Variants in STK39 observed in about 807,000 individuals in gnomAD.
STK39 encodes the protein serine/threonine kinase 39.
Under a neutral mutation model 77.8 loss-of-function variants are expected in STK39, and 20 were observed. The ratio of observed to expected loss-of-function variants is 0.26; its 90% CI spans 0.18 to 0.37. The LOEUF (loss-of-function observed/expected upper bound fraction) is 0.37. STK39 is among the 10% of genes least tolerant of loss of function. The pLI is 1.00. For missense variants in STK39, 479 were observed against 656.5 expected (o/e 0.73, Z 2.95); for synonymous variants, 246 against 234.1 (o/e 1.05, Z -0.47).
At chr2:168,119,656 T>C (rs1004721158) in intron 10 of STK39, among the ~76,000 whole-genome samples, 1 of 152,186 alleles carries the variant, frequency 6.6e-6, no homozygotes, top group African/African-American at 2.4e-5. Context: ...CCAAAACTTT[T>C]GCTCAGTTAG....
At chr2:168,199,833 T>C (rs1689569646) in intron 1 of STK39, among the ~76,000 whole-genome samples, 1 of 146,742 alleles carries the variant, frequency 6.8e-6, no homozygotes, top group Non-Finnish European at 1.5e-5. Context: ...ATTTATATCA[T>C]GCAGATTTTC....
At chr2:168,197,768 G>T (rs533988777) in intron 1 of STK39, among the ~76,000 whole-genome samples, 1 of 152,294 alleles carries the variant, frequency 6.6e-6, no homozygotes, top group South Asian at 2.1e-4. Context: ...GGGTGCAATG[G>T]CTCACGCCTA....
intron 10 of STK39, among the ~76,000 whole-genome samples, chr2:168,087,136 C>T (rs1198260919): frequency 4.6e-5 from 7 of 152,306 alleles, no homozygotes; most frequent in South Asian, 2.1e-4. Context: ...CAAAGGAAAA[C>T]GCAGAAACCA....
At chr2:168,221,282 CATTG>C (rs1473221823) in intron 1 of STK39, among the ~76,000 whole-genome samples, 1 of 152,130 alleles carries the variant, frequency 6.6e-6, no homozygotes, top group Non-Finnish European at 1.5e-5. Flanking sequence ...AAAGTTTAAA[CATTG>C]ATTGTCTCAG....
At chr2:168,026,411 T>C (rs1684699679) in intron 14 of STK39, among the ~76,000 whole-genome samples, 1 of 152,242 alleles carries the variant, frequency 6.6e-6, no homozygotes, top group South Asian at 2.1e-4. Context: ...TCCATTTCTC[T>C]GATTCTTTAG....
At chr2:168,044,110 T>G (rs1468882005) in intron 14 of STK39, among the ~76,000 whole-genome samples, 1 of 152,184 alleles carries the variant, frequency 6.6e-6, no homozygotes, top group Non-Finnish European at 1.5e-5. Flanking sequence ...TTTATATGGC[T>G]CCTTTTTTTC....
chr2:168,198,999 T>A (rs907730815), intron 1 of STK39, among the ~76,000 whole-genome samples: 1 of 152,218 alleles, frequency 6.6e-6, no homozygotes, highest in Non-Finnish European at 1.5e-5. Context: ...GCTTATGCAA[T>A]TGCTAGTTTC....
At chr2:168,225,770 A>C (rs1168381307) in intron 1 of STK39, among the ~76,000 whole-genome samples, 1 of 152,204 alleles carries the variant, frequency 6.6e-6, no homozygotes, top group East Asian at 1.9e-4. Flanking sequence ...CCAGTTACTT[A>C]CCTAAGAGCA....
intron 2 of STK39, among the ~76,000 whole-genome samples, chr2:168,178,638 CTCATT>C (rs1689009882): frequency 6.6e-6 from 1 of 152,160 alleles, no homozygotes; most frequent in African/African-American, 2.4e-5. Context: ...TATTACAGTA[CTCATT>C]TCAACAGTAT....
intron 2 of STK39, among the ~76,000 whole-genome samples, chr2:168,176,533 C>T (rs1411165970): frequency 6.6e-6 from 1 of 151,984 alleles, no homozygotes; most frequent in Admixed American, 6.6e-5. Flanking sequence ...AGGGAGGTGA[C>T]GGAGGGAGTG....
At chr2:168,051,981 A>C (rs1394609043) in intron 14 of STK39, among the ~76,000 whole-genome samples, 1 of 151,880 alleles carries the variant, frequency 6.6e-6, no homozygotes, top group Non-Finnish European at 1.5e-5. Flanking sequence ...GAAAAAAAAG[A>C]ATGAGGAAGA....
rs76973397 is a variant in STK39 at position 168,184,414 on chromosome 2, A to G, written c.209-2324T>C. Among the ~76,000 whole-genome samples, 512 of 152,336 alleles carry G rather than the reference A, an allele frequency of 3.4e-3. 7 individuals carry two copies. Among genetic ancestry groups the G allele is most frequent in the African/African-American group, 0.011 (465 of 41,580 alleles). On this transcript the variant is annotated intron_variant, in intron 1 of 17. Coordinates refer to ENST00000355999, the MANE Select transcript of STK39 (RefSeq NM_013233.3). ...TGTCACAACATGGATGGATTTAACC[A>G]TTCATTAAACAGTTTGGGAGATTCT...
intron 12 of STK39, among the ~76,000 whole-genome samples, chr2:168,066,050 C>T (rs1354338020): frequency 6.7e-6 from 1 of 150,234 alleles, no homozygotes; most frequent in Non-Finnish European, 1.5e-5. Flanking sequence ...CAAAAAAAAC[C>T]TCAAAGAGAA....
chr2:168,140,619 A>G (rs759069637), intron 6 of STK39, 30 bp downstream of exon 6: 2 of 1,551,060 alleles, frequency 1.3e-6, no homozygotes, highest in Admixed American at 3.7e-5. Flanking sequence ...TACTATGTCC[A>G]TCAAAAAGTC....
At chr2:168,151,511 C>T (rs953764330) in intron 5 of STK39, among the ~76,000 whole-genome samples, 1 of 152,034 alleles carries the variant, frequency 6.6e-6, no homozygotes, top group Non-Finnish European at 1.5e-5. Flanking sequence ...CCGAGGCAGT[C>T]AGATTGCAAG....
intron 1 of STK39, among the ~76,000 whole-genome samples, chr2:168,243,444 T>A (rs1294261907): frequency 1.3e-5 from 2 of 152,210 alleles, no homozygotes; most frequent in Non-Finnish European, 2.9e-5. Flanking sequence ...AGAACTCAAA[T>A]TCTTCGTGTT....
chr2:168,050,485 T>C (rs1685366119), intron 14 of STK39, among the ~76,000 whole-genome samples: 2 of 152,226 alleles, frequency 1.3e-5, no homozygotes, highest in African/African-American at 4.8e-5. Context: ...ATTATCCTGG[T>C]GAGACCATCC....
At chr2:168,049,383 G>T (rs1263903909) in intron 14 of STK39, among the ~76,000 whole-genome samples, 1 of 152,124 alleles carries the variant, frequency 6.6e-6, no homozygotes, top group African/African-American at 2.4e-5. Context: ...GCCTAGAAAA[G>T]AAAATCCCAA....
At chr2:168,082,835 A>T (rs1686272417) in intron 10 of STK39, among the ~76,000 whole-genome samples, 1 of 152,072 alleles carries the variant, frequency 6.6e-6, no homozygotes, top group African/African-American at 2.4e-5. Flanking sequence ...TGCCACCCCT[A>T]ACCCATTTGT....
Sources: allele counts gnomAD v4.1 joint callset (sites outside exome capture counted in the v4.1 genomes callset), GRCh38; gene constraint gnomAD v4.1.1; transcripts MANE v1.5; gene names NCBI Gene and HGNC (gene_info 2026-07-23, HGNC 2026-07-21).